Variants in MTUS2 observed in about 807,000 individuals in gnomAD.
MTUS2 encodes microtubule-associated tumor suppressor candidate 2.
A neutral mutation model predicts 114.1 loss-of-function variants in MTUS2; 40 were observed. The observed-to-expected ratio is 0.35, with a 90% CI of 0.27 to 0.46. The LOEUF is 0.46. MTUS2 is among the 20% of genes least tolerant of loss of function. The pLI, the probability that MTUS2 is intolerant of heterozygous loss-of-function variation, is 1.00. For synonymous variants in MTUS2, 688 were observed against 672.0 expected, an observed-to-expected ratio of 1.02 and a Z score of -0.37; for missense variants, 1,679 against 1,705.4, an observed-to-expected ratio of 0.98 and a Z score of 0.27.
chr13:29,497,624 C>T (rs1364480677), intron 13 of MTUS2: 1 of 444,970 alleles, frequency 2.2e-6, no homozygotes, highest in Non-Finnish European at 4.2e-6. Flanking sequence ...TCTGGAAACC[C>T]CCCTCCGCTG....
chr13:29,366,061 G>A (rs1261478733), intron 8 of MTUS2, among the ~76,000 whole-genome samples: 1 of 152,170 alleles, frequency 6.6e-6, no homozygotes, highest in Non-Finnish European at 1.5e-5. Flanking sequence ...TAATGAAGGG[G>A]CTGTCAGGCC....
intron 7 of MTUS2, among the ~76,000 whole-genome samples, chr13:29,331,452 A>G (rs1900774934): frequency 6.6e-6 from 1 of 152,200 alleles, no homozygotes; most frequent in African/African-American, 2.4e-5. Context: ...TGCCCTGGCT[A>G]GAGCAATACT....
intron 2 of MTUS2, among the ~76,000 whole-genome samples, chr13:28,885,115 A>G (rs920293494): frequency 1.3e-5 from 2 of 152,164 alleles, no homozygotes; most frequent in African/African-American, 4.8e-5. Flanking sequence ...CTTTATCTTA[A>G]CAGATTTGAT....
At chr13:28,961,785 AC>A (rs1883340361) in intron 2 of MTUS2, among the ~76,000 whole-genome samples, 1 of 152,086 alleles carries the variant, frequency 6.6e-6, no homozygotes, top group Non-Finnish European at 1.5e-5. Context: ...GAGTTTTTCC[AC>A]TTTGTTAAAT....
intron 8 of MTUS2, among the ~76,000 whole-genome samples, chr13:29,402,995 A>G (rs987686000): frequency 1.4e-4 from 22 of 152,082 alleles, no homozygotes; most frequent in African/African-American, 5.1e-4. Flanking sequence ...TCGGCCTCCC[A>G]AGGTGCTGGG....
chr13:28,999,431 A>G (rs1440248816), intron 2 of MTUS2, among the ~76,000 whole-genome samples: 1 of 152,214 alleles, frequency 6.6e-6, no homozygotes, highest in Non-Finnish European at 1.5e-5. Context: ...AGACAGGGAC[A>G]TAGTTTGTTT....
intron 5 of MTUS2, among the ~76,000 whole-genome samples, chr13:29,209,361 C>T (rs1450826294): frequency 1.3e-5 from 2 of 152,030 alleles, no homozygotes; most frequent in Non-Finnish European, 2.9e-5. Flanking sequence ...ACTCGGTTGG[C>T]GAATTCTTAT....
chr13:29,319,675 C>G (rs1900170809), intron 6 of MTUS2, among the ~76,000 whole-genome samples: 1 of 152,106 alleles, frequency 6.6e-6, no homozygotes, highest in Non-Finnish European at 1.5e-5. Context: ...ACTCTGACCA[C>G]ATGAAACAAG....
rs78416829 is a variant in MTUS2, at chr13:29,484,450, G to A, written c.3400-3450G>A. On this transcript the variant is annotated intron_variant, in intron 10 of 15. Coordinates refer to ENST00000612955, the MANE Select transcript of MTUS2 (RefSeq NM_001033602.4). The stretch of plus-strand genomic sequence containing the variant: ...GAGGTTCCATGCTCCGGGAGGAGGC[G>A]GTGCAGTGGAGATGGCGCCTCTGTC... Among the ~76,000 whole-genome samples the A allele has an allele frequency of 4.7e-3, 715 of 152,306 alleles. 7 individuals carry two copies. The highest frequency in any genetic ancestry group is 0.016 in the African/African-American group (672 of 41,568).
At chr13:29,353,475 AT>A (rs777659801) in intron 7 of MTUS2, among the ~76,000 whole-genome samples, 1 of 151,772 alleles carries the variant, frequency 6.6e-6, no homozygotes, top group East Asian at 1.9e-4. Context: ...TGATTTTTGT[AT>A]TTTTTATACA....
intron 2 of MTUS2, among the ~76,000 whole-genome samples, chr13:28,949,317 G>C (rs1384565387): frequency 6.6e-6 from 1 of 151,360 alleles, no homozygotes; most frequent in Non-Finnish European, 1.5e-5. Flanking sequence ...CTGCCTTGGG[G>C]CTCTGGCTTT....
intron 2 of MTUS2, among the ~76,000 whole-genome samples, chr13:28,943,761 C>T (rs12869570): frequency 0.035 from 5,365 of 152,090 alleles, 119 homozygotes; most frequent in Admixed American, 0.044. Context: ...GCAAGAGCAC[C>T]GGATGCATAG....
chr13:29,360,079 A>G (rs976536212), intron 8 of MTUS2, among the ~76,000 whole-genome samples: 4 of 152,220 alleles, frequency 2.6e-5, no homozygotes, highest in Admixed American at 6.5e-5. Flanking sequence ...GTTATTAACC[A>G]TGGAGCAGAT....
chr13:29,266,177 T>C (rs4769708), intron 5 of MTUS2, among the ~76,000 whole-genome samples: 43,692 of 152,138 alleles, frequency 0.29, 7,782 homozygotes, highest in Non-Finnish European at 0.4. Flanking sequence ...AGTGCTGATA[T>C]GTTCCAGGCA....
At position 29,390,166 on chromosome 13, in the gene MTUS2, G is replaced by A. The variant is rs1205212532; in HGVS notation, c.3117+30693G>A. 1.4e-4 allele frequency among the ~76,000 whole-genome samples: 21 copies of A among 146,996 alleles called. 3 individuals are homozygous for A. Among genetic ancestry groups the A allele is most frequent in the Non-Finnish European group, 3.0e-5 (2 of 67,310 alleles). On this transcript the variant is annotated intron_variant, in intron 8 of 15. Coordinates refer to ENST00000612955, the MANE Select transcript of MTUS2 (RefSeq NM_001033602.4). ...TATATATATACACACACACACTTGT[G>A]TGTGTGTGTGTTTATGAATATATAT...
intron 5 of MTUS2, among the ~76,000 whole-genome samples, chr13:29,199,587 T>C (rs953516381): frequency 6.6e-6 from 1 of 152,166 alleles, no homozygotes; most frequent in Admixed American, 6.5e-5. Flanking sequence ...TGGGGTTCAG[T>C]TTGCCAGTAT....
intron 8 of MTUS2, among the ~76,000 whole-genome samples, chr13:29,417,061 A>G (rs1287109076): frequency 2.0e-5 from 3 of 152,202 alleles, no homozygotes; most frequent in African/African-American, 7.2e-5. Context: ...TTAGAGGTTT[A>G]TGGCTCACAG....
intron 5 of MTUS2, among the ~76,000 whole-genome samples, chr13:29,215,903 C>T (rs1895660021): frequency 6.6e-6 from 1 of 152,218 alleles, no homozygotes; most frequent in Non-Finnish European, 1.5e-5. Context: ...AGCTCGAGAA[C>T]TGTGCTGGGA....
intron 5 of MTUS2, among the ~76,000 whole-genome samples, chr13:29,209,017 G>A (rs148522082): frequency 1.2e-3 from 177 of 152,190 alleles, no homozygotes; most frequent in African/African-American, 4.1e-3. Context: ...TGCTGTCATT[G>A]GGGTACTGAA....
Sources: gnomAD v4.1 joint callset for allele counts (sites outside exome capture counted in the v4.1 genomes callset) on GRCh38, gnomAD v4.1.1 for gene constraint, MANE v1.5 for transcripts, NCBI Gene and HGNC (gene_info 2026-07-23, HGNC 2026-07-21) for gene names.